PCGF5: variants seen among roughly 807,000 people sequenced by gnomAD.
The protein encoded by PCGF5 is polycomb group ring finger 5.
In PCGF5, 9 loss-of-function variants were observed where a neutral mutation model predicts 44.3. That is an observed-to-expected ratio of 0.20 (90% confidence interval 0.12 to 0.35). PCGF5 has a LOEUF of 0.35. PCGF5 is among the 10% of genes least tolerant of loss of function. The pLI, the probability that PCGF5 is intolerant of heterozygous loss-of-function variation, is 1.00. For missense variants in PCGF5, 146 were observed against 305.3 expected, an observed-to-expected ratio of 0.48 and a Z score of 3.89; for synonymous variants, 95 against 102.5, an observed-to-expected ratio of 0.93 and a Z score of 0.44.
intron 1 of PCGF5, among the ~76,000 whole-genome samples, chr10:91,164,245 T>G (rs1423677842): frequency 6.6e-6 from 1 of 151,436 alleles, no homozygotes; most frequent in Non-Finnish European, 1.5e-5. Context: ...CAATAACTTG[T>G]GGGGGGGTCA....
At chr10:91,275,448 T>TA (rs1340093287) in intron 9 of PCGF5, among the ~76,000 whole-genome samples, 36 of 151,300 alleles carry the variant, frequency 2.4e-4, no homozygotes, top group East Asian at 5.8e-4. Context: ...ACATTTTATT[T>TA]TTTTTTTTTT....
chr10:91,235,195 A>G (rs1280548416), intron 2 of PCGF5, among the ~76,000 whole-genome samples: 2 of 152,114 alleles, frequency 1.3e-5, no homozygotes, highest in East Asian at 3.9e-4. Context: ...TCTCCTAGAT[A>G]TTCTGAATTA....
intron 3 of PCGF5, among the ~76,000 whole-genome samples, chr10:91,241,594 A>C (rs1170877706): frequency 2.0e-5 from 3 of 152,060 alleles, no homozygotes; most frequent in Admixed American, 6.6e-5. Flanking sequence ...ATCTTTAAGA[A>C]ACTACTCGTC....
At chr10:91,232,373 G>C (rs867886936) in intron 2 of PCGF5, among the ~76,000 whole-genome samples, 2 of 152,146 alleles carry the variant, frequency 1.3e-5, no homozygotes, top group African/African-American at 4.8e-5. Context: ...TAAAGAAAAG[G>C]TGAAAAAAGA....
intron 6 of PCGF5, among the ~76,000 whole-genome samples, chr10:91,253,381 T>C (rs138960197): frequency 5.9e-4 from 89 of 152,096 alleles, no homozygotes; most frequent in African/African-American, 2.0e-3. Flanking sequence ...CTCTTCTTTA[T>C]GCAAAGGACT....
At position 91,262,927 on chromosome 10, in the gene PCGF5, A is replaced by T. The variant is rs184621823; in HGVS notation, c.573+1503A>T. Among the ~76,000 whole-genome samples the T allele has an allele frequency of 2.4e-3, 364 of 152,346 alleles. 1 individual carries two copies. Among genetic ancestry groups the T allele is most frequent in the African/African-American group, 8.4e-3 (351 of 41,588 alleles). On this transcript the variant is annotated intron_variant, in intron 7 of 9. Transcript: ENST00000336126. ...CTTTTAAGTCTGATTCATTGAGTTA[A>T]CATTTTCTAATTTTTAGAAAGCTGT...
chr10:91,216,828 GGCA>G, upstream of PCGF5, among the ~76,000 whole-genome samples: 1 of 152,252 alleles, frequency 6.6e-6, no homozygotes, highest in East Asian at 1.9e-4. Context: ...ATTGATTTTA[GGCA>G]AACATAGATT....
chr10:91,225,287 A>G (rs1844797512), intron 2 of PCGF5, among the ~76,000 whole-genome samples: 1 of 147,780 alleles, frequency 6.8e-6, no homozygotes, highest in African/African-American at 2.5e-5. Flanking sequence ...TATCATATAT[A>G]ACATATATAT....
chr10:91,238,616 T>TCTTTCTTTCTTTCTTTCTTTC (rs1564645053), intron 2 of PCGF5, among the ~76,000 whole-genome samples: 1 of 136,238 alleles, frequency 7.3e-6, no homozygotes, highest in African/African-American at 2.8e-5. Flanking sequence ...TTTTTTTTTT[T>TCTTTCTTTCTTTCTTTCTTTC]TTTTTTTTTT....
At chr10:91,228,455 T>G (rs1844908760) in intron 2 of PCGF5, among the ~76,000 whole-genome samples, 1 of 152,162 alleles carries the variant, frequency 6.6e-6, no homozygotes. Flanking sequence ...CTCTTTCTGC[T>G]CTTCAGAGAT....
chr10:91,160,307 G>T (rs1843361469), upstream of PCGF5, among the ~76,000 whole-genome samples: 1 of 152,188 alleles, frequency 6.6e-6, no homozygotes, highest in South Asian at 2.1e-4. Flanking sequence ...GAAAGGAAAA[G>T]ATGTAGGATA....
At chr10:91,191,872 G>A (rs940898312) in intron 1 of PCGF5, among the ~76,000 whole-genome samples, 3 of 152,168 alleles carry the variant, frequency 2.0e-5, no homozygotes, top group African/African-American at 7.2e-5. Context: ...AGCTCATTAA[G>A]TGAATATTTT....
intron 1 of PCGF5, among the ~76,000 whole-genome samples, chr10:91,186,024 G>A (rs77164355): frequency 0.018 from 2,813 of 152,164 alleles, 71 homozygotes; most frequent in African/African-American, 0.064. Context: ...CATCTTGGTC[G>A]CTCCCTGCTT....
intron 5 of PCGF5, among the ~76,000 whole-genome samples, chr10:91,249,154 T>C (rs1456212467): frequency 1.3e-5 from 2 of 151,900 alleles, no homozygotes; most frequent in Non-Finnish European, 2.9e-5. Flanking sequence ...GATTTTACTA[T>C]GCTCTGATAT....
At chr10:91,254,203 CGTGTGTGTGTGT>C (rs148669111) in intron 6 of PCGF5, among the ~76,000 whole-genome samples, 1 of 147,942 alleles carries the variant, frequency 6.8e-6, no homozygotes, top group Non-Finnish European at 1.5e-5. Context: ...CCCTCCACCT[CGTGTGTGTGTGT>C]GTGTGTGTGT....
At position 91,271,684 on chromosome 10, in the gene PCGF5, G is replaced by A; in HGVS notation, c.710G>A (p.Gly237Asp). Reference protein sequence around the residue: ...CSASQVCSQDGPLYQSYPMVL... With the variant: ...CSASQVCSQDDPLYQSYPMVL... ...GCTTCGCAAGTCTGCTCTCAGGATG[G>A]CCCTTTGTATCAGGTAAGAGGCACT... The change falls in exon 9 of 10, where the codon GGC becomes GAC. Residue 237 changes from glycine (G) to aspartate (D), a missense_variant. Gly to Asp is a moderately conservative substitution (Grantham distance 94). Around this residue, in one of 3 missense-constraint regions of PCGF5, gnomAD observed 19 missense variants for 17.2 expected, o/e 1.11. Coordinates refer to ENST00000336126, the MANE Select transcript of PCGF5 (RefSeq NM_032373.5). The A allele has an allele frequency of 6.2e-7, 1 of 1,613,712 alleles. No individual in the cohort carries two copies. Among genetic ancestry groups the A allele is most frequent in the Non-Finnish European group, 8.5e-7 (1 of 1,179,734 alleles).
At chr10:91,253,039 T>C (rs1452574034) in intron 6 of PCGF5, among the ~76,000 whole-genome samples, 1 of 151,950 alleles carries the variant, frequency 6.6e-6, no homozygotes, top group East Asian at 1.9e-4. Flanking sequence ...TCTTCCTTTT[T>C]TTCCTGTGGC....
At chr10:91,245,347 C>G (rs1000934758) in intron 3 of PCGF5, among the ~76,000 whole-genome samples, 1 of 152,100 alleles carries the variant, frequency 6.6e-6, no homozygotes, top group African/African-American at 2.4e-5. Context: ...TTGAAAAGAG[C>G]ACTTTCTTTA....
rs1846442500 is a variant in PCGF5, at chr10:91,281,123, A to G, written c.*2807A>G. The G allele has an allele frequency of 6.6e-6, 1 of 152,528 alleles. No homozygotes were observed. The highest frequency in any genetic ancestry group is 2.4e-5 in the African/African-American group (1 of 41,460). 9.4% of individuals were successfully genotyped at this position (152,528 alleles called of 1,614,324 possible). A position where few individuals can be genotyped will look rare whatever the true frequency, so the allele number is the denominator to read the frequency against. On this transcript the variant is annotated 3_prime_UTR_variant, in exon 10 of 10. Coordinates refer to ENST00000336126, the MANE Select transcript of PCGF5 (RefSeq NM_032373.5). ...CATCAGTTAATAGAGAAATCAAAAT[A>G]TGTATGGCCTTTTCTCTAGATTAGC...
Sources: allele counts gnomAD v4.1 joint callset (sites outside exome capture counted in the v4.1 genomes callset), GRCh38; gene constraint gnomAD v4.1.1; regional missense constraint gnomAD v4.1.1; transcripts MANE v1.5; gene names NCBI Gene and HGNC (gene_info 2026-07-23, HGNC 2026-07-21).